The following TAF3 variants were observed in gnomAD, a reference collection of about 807,000 sequenced individuals.
The protein encoded by TAF3 is TATA-box binding protein associated factor 3, also known as transcription initiation factor TFIID subunit 3.
In TAF3, 7 loss-of-function variants were observed where a neutral mutation model predicts 80.6. The ratio of observed to expected loss-of-function variants is 0.09; its 90% CI spans 0.05 to 0.16. The LOEUF (loss-of-function observed/expected upper bound fraction) is 0.16, where lower values mean the gene tolerates loss of function less well. Ranked by LOEUF, TAF3 falls within the 10% of genes least tolerant of loss-of-function variation. TAF3 has a pLI of 1.00. For missense variants in TAF3, 921 were observed against 1,140.2 expected (o/e 0.81, Z 2.77); for synonymous variants, 444 against 446.1 (o/e 1.00, Z 0.06).
At chr10:7,891,059 G>A (rs1837453552) in intron 2 of TAF3, among the ~76,000 whole-genome samples, 1 of 152,196 alleles carries the variant, frequency 6.6e-6, no homozygotes, top group Non-Finnish European at 1.5e-5. Context: ...TCTGCAGCAG[G>A]CAGTGAGTGA....
intron 2 of TAF3, among the ~76,000 whole-genome samples, chr10:7,945,765 T>G (rs1161823920): frequency 6.6e-6 from 1 of 152,198 alleles, no homozygotes; most frequent in Non-Finnish European, 1.5e-5. Context: ...TTCTCCATCT[T>G]TAGACAGTGA....
intron 1 of TAF3, among the ~76,000 whole-genome samples, chr10:7,820,316 A>G (rs2131094715): frequency 6.6e-6 from 1 of 152,328 alleles, no homozygotes; most frequent in African/African-American, 2.4e-5. Flanking sequence ...CTCCAGGAGA[A>G]AAATTGATTA....
chr10:7,897,953 A>G (rs1461616402), intron 2 of TAF3, among the ~76,000 whole-genome samples: 2 of 151,436 alleles, frequency 1.3e-5, no homozygotes, highest in Non-Finnish European at 2.9e-5. Context: ...GAGCCACCAC[A>G]CCCGGTCCCT....
intron 2 of TAF3, among the ~76,000 whole-genome samples, chr10:7,831,493 G>C (rs1259385282): frequency 6.6e-6 from 1 of 152,076 alleles, no homozygotes; most frequent in Non-Finnish European, 1.5e-5. Context: ...TTACAGGCAT[G>C]TGCCACCACG....
chr10:7,969,514 A>C (rs1332943704), intron 3 of TAF3, among the ~76,000 whole-genome samples: 1 of 152,160 alleles, frequency 6.6e-6, no homozygotes, highest in African/African-American at 2.4e-5. Flanking sequence ...TGGGGTTTAG[A>C]TGAGTATACA....
chr10:7,912,855 G>A (rs973069409), intron 2 of TAF3, among the ~76,000 whole-genome samples: 3 of 152,020 alleles, frequency 2.0e-5, no homozygotes, highest in Admixed American at 6.5e-5. Flanking sequence ...ATCGGACCCC[G>A]GAATCCCTTA....
At chr10:7,952,833 T>G (rs1052166949) in intron 2 of TAF3, among the ~76,000 whole-genome samples, 2 of 152,234 alleles carry the variant, frequency 1.3e-5, no homozygotes, top group Non-Finnish European at 2.9e-5. Flanking sequence ...TAAAAATACA[T>G]ACCCACTTAC....
chr10:7,914,980 G>A (rs372302098), intron 2 of TAF3, among the ~76,000 whole-genome samples: 15 of 127,048 alleles, frequency 1.2e-4, no homozygotes, highest in South Asian at 2.7e-4. Context: ...TTGCTCTGTC[G>A]CCCAGGCTGG....
At chr10:7,925,831 A>AAGAAG (rs1554782331) in intron 2 of TAF3, among the ~76,000 whole-genome samples, 1 of 151,820 alleles carries the variant, frequency 6.6e-6, no homozygotes, top group African/African-American at 2.4e-5. Context: ...AAGAAAAGAA[A>AAGAAG]AAGGAAGGAA....
chr10:7,849,896 G>A (rs941180841), intron 2 of TAF3, among the ~76,000 whole-genome samples: 2 of 152,060 alleles, frequency 1.3e-5, no homozygotes, highest in African/African-American at 4.8e-5. Context: ...GCCCAGGCTG[G>A]TCTTGAAATC....
At chr10:7,831,906 T>C (rs1314854539) in intron 2 of TAF3, among the ~76,000 whole-genome samples, 1 of 151,430 alleles carries the variant, frequency 6.6e-6, no homozygotes, top group East Asian at 2.0e-4. Flanking sequence ...TTTTTTTAAT[T>C]ATAAAATTTC....
intron 2 of TAF3, among the ~76,000 whole-genome samples, chr10:7,953,606 T>G (rs1838105102): frequency 6.6e-6 from 1 of 152,236 alleles, no homozygotes; most frequent in South Asian, 2.1e-4. Context: ...CATTCCTGCC[T>G]TCATATCCCT....
intron 2 of TAF3, among the ~76,000 whole-genome samples, chr10:7,841,601 G>T (rs1483049369): frequency 6.6e-6 from 1 of 151,882 alleles, no homozygotes; most frequent in Non-Finnish European, 1.5e-5. Flanking sequence ...CTCAAGAGGA[G>T]ATGTCACTGG....
At chr10:7,995,384 C>G (rs1831878295) in intron 4 of TAF3, among the ~76,000 whole-genome samples, 1 of 152,182 alleles carries the variant, frequency 6.6e-6, no homozygotes, top group South Asian at 2.1e-4. Context: ...TCAGAGAAGT[C>G]TTGCTTTCAT....
intron 2 of TAF3, among the ~76,000 whole-genome samples, chr10:7,840,746 T>C (rs1484870565): frequency 6.6e-6 from 1 of 152,246 alleles, no homozygotes; most frequent in Non-Finnish European, 1.5e-5. Flanking sequence ...TCTTGCTTTC[T>C]TGAATTTGAA....
At chr10:7,876,086 C>G (rs762735843) in intron 2 of TAF3, among the ~76,000 whole-genome samples, 1 of 151,524 alleles carries the variant, frequency 6.6e-6, no homozygotes, top group Non-Finnish European at 1.5e-5. Flanking sequence ...TTTATCTTGT[C>G]TGTATAATAA....
intron 2 of TAF3, among the ~76,000 whole-genome samples, chr10:7,860,376 G>T (rs890689932): frequency 1.3e-5 from 2 of 152,056 alleles, no homozygotes; most frequent in African/African-American, 4.8e-5. Flanking sequence ...AGGAGCATAT[G>T]ATCTATGAGA....
chr10:7,931,830 T>A (rs568161619), intron 2 of TAF3, among the ~76,000 whole-genome samples: 1 of 152,330 alleles, frequency 6.6e-6, no homozygotes, highest in Non-Finnish European at 1.5e-5. Context: ...TGACTGACAG[T>A]TCCTACCTGC....
intron 2 of TAF3, among the ~76,000 whole-genome samples, chr10:7,896,324 A>G (rs1837503855): frequency 6.6e-6 from 1 of 152,224 alleles, no homozygotes; most frequent in Non-Finnish European, 1.5e-5. Context: ...AACCGTTTTC[A>G]TTCTGGGGAT....
Sources: gnomAD v4.1 joint callset for allele counts (sites outside exome capture counted in the v4.1 genomes callset) on GRCh38, gnomAD v4.1.1 for gene constraint, MANE v1.5 for transcripts, NCBI Gene and HGNC (gene_info 2026-07-23, HGNC 2026-07-21) for gene names.